KCNMA1: variants seen among roughly 807,000 people sequenced by gnomAD.
KCNMA1 encodes the protein potassium calcium-activated channel subfamily M alpha 1.
In KCNMA1, 29 loss-of-function variants were observed where a neutral mutation model predicts 140.0. The ratio of observed to expected loss-of-function variants is 0.21; its 90% confidence interval spans 0.15 to 0.28. KCNMA1 has a LOEUF of 0.28. Ranked by LOEUF, KCNMA1 falls within the 10% of genes least tolerant of loss-of-function variation. The pLI is 1.00. For synonymous variants in KCNMA1, 612 were observed against 611.9 expected (o/e 1.00, Z 0.00); for missense variants, 880 against 1,602.2 (o/e 0.55, Z 7.70).
chr10:77,609,970 CA>C (rs1168315709), intron 1 of KCNMA1, among the ~76,000 whole-genome samples: 1 of 152,214 alleles, frequency 6.6e-6, no homozygotes, highest in Non-Finnish European at 1.5e-5. Context: ...AAAGCAGTAA[CA>C]AGGCGATGAA....
At chr10:77,142,605 A>T (rs2098204145) in intron 5 of KCNMA1, among the ~76,000 whole-genome samples, 1 of 152,096 alleles carries the variant, frequency 6.6e-6, no homozygotes, top group Admixed American at 6.5e-5. Context: ...TTTTAGGCCG[A>T]GGGAACAGCA....
At chr10:77,446,607 T>C (rs1467891051) in intron 1 of KCNMA1, among the ~76,000 whole-genome samples, 1 of 152,236 alleles carries the variant, frequency 6.6e-6, no homozygotes, top group Non-Finnish European at 1.5e-5. Context: ...GCAGATAATC[T>C]GCCCAGTTGC....
intron 14 of KCNMA1, among the ~76,000 whole-genome samples, chr10:77,068,371 C>T (rs978684183): frequency 2.0e-5 from 3 of 152,082 alleles, no homozygotes; most frequent in African/African-American, 7.2e-5. Context: ...AAACATAACC[C>T]AGACTAAAAA....
At chr10:77,597,307 T>C (rs1414552166) in intron 1 of KCNMA1, among the ~76,000 whole-genome samples, 2 of 152,118 alleles carry the variant, frequency 1.3e-5, no homozygotes, top group African/African-American at 4.8e-5. Flanking sequence ...AAAACGTAGT[T>C]ATCAACAATG....
At chr10:77,388,791 C>T (rs564419413) in intron 2 of KCNMA1, among the ~76,000 whole-genome samples, 2 of 152,114 alleles carry the variant, frequency 1.3e-5, no homozygotes, top group East Asian at 1.9e-4. Context: ...ATCTCAGCCC[C>T]GGGAAGAGGA....
At chr10:77,496,722 A>G (rs138599615) in intron 1 of KCNMA1, among the ~76,000 whole-genome samples, 178 of 151,672 alleles carry the variant, frequency 1.2e-3, no homozygotes, top group African/African-American at 4.1e-3. Context: ...TGAGGGAGCT[A>G]TGAACATCCT....
chr10:77,551,120 C>T (rs899003833), intron 1 of KCNMA1, among the ~76,000 whole-genome samples: 2 of 152,186 alleles, frequency 1.3e-5, no homozygotes, highest in African/African-American at 2.4e-5. Flanking sequence ...GAACACGCCA[C>T]CACACCCAGC....
At chr10:77,301,365 A>T (rs981688482) in intron 2 of KCNMA1, among the ~76,000 whole-genome samples, 2 of 152,226 alleles carry the variant, frequency 1.3e-5, no homozygotes, top group African/African-American at 2.4e-5. Flanking sequence ...TAAACTAGCT[A>T]TGCTGAGAAT....
intron 2 of KCNMA1, chr10:77,315,307 G>C (rs189991276): frequency 6.6e-6 from 1 of 152,346 alleles, no homozygotes; most frequent in Admixed American, 6.5e-5. Context: ...TTTCCTGCCT[G>C]TCTCTTATTG....
intron 3 of KCNMA1, among the ~76,000 whole-genome samples, chr10:77,224,103 C>T (rs527942933): frequency 6.6e-6 from 1 of 152,298 alleles, no homozygotes; most frequent in South Asian, 2.1e-4. Context: ...CATATTTGCT[C>T]CCTATCTGGG....
At chr10:77,296,916 G>GT (rs1035610440) in intron 2 of KCNMA1, among the ~76,000 whole-genome samples, 5 of 149,962 alleles carry the variant, frequency 3.3e-5, no homozygotes, top group Middle Eastern at 6.8e-3. Flanking sequence ...TGTGGGCGGG[G>GT]GGGCGGTGGG....
intron 23 of KCNMA1, chr10:76,929,909 G>A (rs1252274607): frequency 1.2e-5 from 1 of 84,740 alleles, no homozygotes; most frequent in East Asian, 2.5e-4. Flanking sequence ...AATGAATAAT[G>A]ATGTTCAGAA....
chr10:77,350,044 G>C (rs12248158), intron 2 of KCNMA1, among the ~76,000 whole-genome samples: 24,485 of 151,998 alleles, frequency 0.16, 2,898 homozygotes, highest in African/African-American at 0.34. Context: ...GACTACAGGC[G>C]CCTGCCACCA....
At chr10:77,362,084 G>T (rs116040700) in intron 2 of KCNMA1, among the ~76,000 whole-genome samples, 9 of 152,092 alleles carry the variant, frequency 5.9e-5, no homozygotes, top group African/African-American at 2.2e-4. Flanking sequence ...CCTCTCCTGC[G>T]CTGTGTCCTC....
intron 5 of KCNMA1, among the ~76,000 whole-genome samples, chr10:77,177,490 C>CT (rs147269890): frequency 3.4e-5 from 5 of 146,548 alleles, no homozygotes; most frequent in Non-Finnish European, 6.0e-5. Flanking sequence ...TTCTGACTTT[C>CT]TTTCTTTTCT....
chr10:77,626,649 G>A (rs1437098191), intron 1 of KCNMA1, among the ~76,000 whole-genome samples: 1 of 152,172 alleles, frequency 6.6e-6, no homozygotes, highest in Non-Finnish European at 1.5e-5. Context: ...TTCTCCCAAA[G>A]AGGAGCAGAA....
intron 20 of KCNMA1, among the ~76,000 whole-genome samples, chr10:76,960,134 A>C (rs1376621560): frequency 6.6e-6 from 1 of 152,226 alleles, no homozygotes; most frequent in Non-Finnish European, 1.5e-5. Flanking sequence ...GGCATTTACA[A>C]AATGCACCAC....
chr10:76,951,937 G>C, intron 21 of KCNMA1: 4 of 1,137,114 alleles, frequency 3.5e-6, no homozygotes, highest in Non-Finnish European at 5.1e-6. Context: ...GTCAGGGATT[G>C]CATCTCCAGT....
At chr10:77,308,544 T>C (rs2078406054) in intron 2 of KCNMA1, among the ~76,000 whole-genome samples, 1 of 152,182 alleles carries the variant, frequency 6.6e-6, no homozygotes, top group African/African-American at 2.4e-5. Context: ...CTAAGTGCAC[T>C]ATTAAATCCC....
Sources: allele counts gnomAD v4.1 joint callset (sites outside exome capture counted in the v4.1 genomes callset), GRCh38; gene constraint gnomAD v4.1.1; transcripts MANE v1.5; gene names NCBI Gene and HGNC (gene_info 2026-07-23, HGNC 2026-07-21).